TAFA2: variants seen among roughly 807,000 people sequenced by gnomAD.
TAFA2 encodes TAFA chemokine like family member 2.
A neutral mutation model predicts 18.8 loss-of-function variants in TAFA2; 7 were observed. The observed-to-expected ratio is 0.37, with a 90% confidence interval of 0.21 to 0.70. The LOEUF is 0.70. TAFA2 is among the 30% of genes least tolerant of loss of function. TAFA2 has a pLI of 0.53. For missense variants in TAFA2, 122 were observed against 158.1 expected, an observed-to-expected ratio of 0.77 and a Z score of 1.23; for synonymous variants, 60 against 54.2, an observed-to-expected ratio of 1.11 and a Z score of -0.47.
chr12:61,940,055 C>A (rs1037570553), intron 1 of TAFA2, among the ~76,000 whole-genome samples: 6 of 152,182 alleles, frequency 3.9e-5, no homozygotes, highest in South Asian at 2.1e-4. Flanking sequence ...ATTCATTCAA[C>A]AAATAATCTG....
intron 1 of TAFA2, among the ~76,000 whole-genome samples, chr12:62,236,365 C>T (rs958092499): frequency 3.3e-5 from 5 of 151,426 alleles, no homozygotes; most frequent in Admixed American, 1.3e-4. Flanking sequence ...CCCGGGTTCA[C>T]ACCATTCTCC....
chr12:61,741,616 A>C (rs1002203551), intron 4 of TAFA2, among the ~76,000 whole-genome samples: 1 of 152,096 alleles, frequency 6.6e-6, no homozygotes, highest in Non-Finnish European at 1.5e-5. Context: ...TGGGCCATGC[A>C]ATATTAAACT....
In TAFA2 at chr12:61,902,765, T is replaced by G. The variant is rs575329324; in HGVS notation, c.-1-35339A>C. 2.8e-3 allele frequency among the ~76,000 whole-genome samples: 427 copies of G among 152,268 alleles called. 2 individuals carry two copies. The highest frequency in any genetic ancestry group is 9.8e-3 in the African/African-American group (406 of 41,558). ...CAAACCTGCACATTCAATTGACAAT[T>G]TGGCACCACCAGTTAGGTAGCTAAC... On this transcript the variant is annotated intron_variant, in intron 1 of 4. Coordinates refer to ENST00000416284, the MANE Select transcript of TAFA2 (RefSeq NM_178539.5).
intron 1 of TAFA2, among the ~76,000 whole-genome samples, chr12:61,912,775 T>G (rs1285777710): frequency 6.6e-6 from 1 of 152,158 alleles, no homozygotes; most frequent in Non-Finnish European, 1.5e-5. Context: ...TGAACAACTG[T>G]GATAAAACAC....
At chr12:61,845,787 T>A (rs1001524295) in intron 2 of TAFA2, among the ~76,000 whole-genome samples, 1 of 152,132 alleles carries the variant, frequency 6.6e-6, no homozygotes, top group Non-Finnish European at 1.5e-5. Flanking sequence ...GTCTAAAGTG[T>A]TTTGTTACTA....
chr12:61,735,592 A>G (rs1039418945), intron 4 of TAFA2, among the ~76,000 whole-genome samples: 1 of 152,014 alleles, frequency 6.6e-6, no homozygotes, highest in African/African-American at 2.4e-5. Context: ...TGCAGCTACC[A>G]TTATTGAGTA....
intron 1 of TAFA2, among the ~76,000 whole-genome samples, chr12:61,877,914 T>C (rs377749474): frequency 2.6e-5 from 2 of 75,978 alleles, no homozygotes; most frequent in East Asian, 5.9e-4. Context: ...TATATATATA[T>C]ATATATATAT....
intron 1 of TAFA2, among the ~76,000 whole-genome samples, chr12:61,941,779 C>A (rs1306794387): frequency 1.3e-5 from 2 of 152,240 alleles, no homozygotes; most frequent in Non-Finnish European, 2.9e-5. Flanking sequence ...AGACTATATC[C>A]CACACCTGGC....
intron 1 of TAFA2, among the ~76,000 whole-genome samples, chr12:62,066,129 G>A (rs1178188548): frequency 7.0e-6 from 1 of 142,856 alleles, no homozygotes; most frequent in African/African-American, 2.8e-5. Context: ...AAACAGCCGT[G>A]TGTGTGTGTG....
At chr12:62,036,122 T>C (rs1881605382) in intron 1 of TAFA2, among the ~76,000 whole-genome samples, 1 of 152,006 alleles carries the variant, frequency 6.6e-6, no homozygotes, top group South Asian at 2.1e-4. Context: ...TAGGTGCCAA[T>C]AGAACCCGTT....
rs529271524 is a variant in TAFA2 at position 61,760,435 on chromosome 12, C to A, written c.107-5411G>T. 9.1e-5 allele frequency among the ~76,000 whole-genome samples: 13 copies of A among 142,638 alleles called. No homozygotes were observed. The South Asian group carries it at 2.7e-3, about 30-fold the overall frequency. The allele number at this position is 142,638 out of a possible 152,430, so 93.6% of individuals were successfully genotyped here. ...GAGATACTTCAAAGAAGGAAATTAGCCTAGCAGGATTTGAACATGAAATAT... is the reference window on the plus strand; with the variant it reads ...GAGATACTTCAAAGAAGGAAATTAGACTAGCAGGATTTGAACATGAAATAT... On this transcript the variant is annotated intron_variant, in intron 2 of 4. Coordinates refer to ENST00000416284, the MANE Select transcript of TAFA2 (RefSeq NM_178539.5).
intron 2 of TAFA2, among the ~76,000 whole-genome samples, chr12:61,765,512 A>C (rs978991522): frequency 6.6e-6 from 1 of 152,132 alleles, no homozygotes; most frequent in Non-Finnish European, 1.5e-5. Flanking sequence ...AGTTGGGTGC[A>C]GCTCAAGTGC....
chr12:62,086,080 A>G (rs1274896072), intron 1 of TAFA2, among the ~76,000 whole-genome samples: 1 of 152,104 alleles, frequency 6.6e-6, no homozygotes, highest in Admixed American at 6.6e-5. Flanking sequence ...CTGCAGAACC[A>G]TGAGCGAATT....
intron 4 of TAFA2, among the ~76,000 whole-genome samples, chr12:61,725,583 C>A (rs967127713): frequency 6.6e-6 from 1 of 151,990 alleles, no homozygotes; most frequent in Non-Finnish European, 1.5e-5. Context: ...TGTCAAAGAT[C>A]ATTTAGCTAT....
chr12:61,771,187 A>C (rs1870008577), intron 2 of TAFA2, among the ~76,000 whole-genome samples: 1 of 152,076 alleles, frequency 6.6e-6, no homozygotes, highest in Non-Finnish European at 1.5e-5. Flanking sequence ...CTAGTCCAAC[A>C]TGAAACTATC....
chr12:61,762,663 A>T (rs998780884), intron 2 of TAFA2, among the ~76,000 whole-genome samples: 1 of 150,814 alleles, frequency 6.6e-6, no homozygotes, highest in Non-Finnish European at 1.5e-5. Context: ...ATACACATAC[A>T]GTTAATTGTG....
rs114553217 is a variant in TAFA2, at chr12:61,886,862, A to G, written c.-1-19436T>C. Among the ~76,000 whole-genome samples, 217 of 152,332 alleles carry G rather than the reference A, an allele frequency of 1.4e-3. 1 individual carries two copies. The highest frequency in any genetic ancestry group is 5.0e-3 in the African/African-American group (209 of 41,584). On this transcript the variant is annotated intron_variant, in intron 1 of 4. Coordinates refer to ENST00000416284, the MANE Select transcript of TAFA2 (RefSeq NM_178539.5). ...TGACGATGTAATGATAGTACTGAAT[A>G]GTGGGAAACTTGGGAACCAGACTTC...
intron 2 of TAFA2, among the ~76,000 whole-genome samples, chr12:61,834,547 C>T (rs1351813664): frequency 6.6e-6 from 1 of 152,026 alleles, no homozygotes; most frequent in Admixed American, 6.6e-5. Flanking sequence ...TTATAAGTCT[C>T]CATACAGCAG....
intron 1 of TAFA2, among the ~76,000 whole-genome samples, chr12:62,170,972 T>G (rs756428191): frequency 1.3e-5 from 2 of 152,198 alleles, no homozygotes; most frequent in Non-Finnish European, 2.9e-5. Flanking sequence ...CTTACACTCC[T>G]GTAGCATTTC....
Sources: allele counts gnomAD v4.1 joint callset (sites outside exome capture counted in the v4.1 genomes callset), GRCh38; gene constraint gnomAD v4.1.1; transcripts MANE v1.5; gene names NCBI Gene and HGNC (gene_info 2026-07-23, HGNC 2026-07-21).